Variants in HDAC4 observed in about 807,000 individuals in gnomAD.
The protein encoded by HDAC4 is histone deacetylase 4.
A neutral mutation model predicts 135.1 loss-of-function variants in HDAC4; 16 were observed. The ratio of observed to expected loss-of-function variants is 0.12; its 90% CI spans 0.08 to 0.18. The LOEUF is 0.18. HDAC4 is among the 10% of genes least tolerant of loss of function. HDAC4 has a pLI of 1.00. For synonymous variants in HDAC4, 685 were observed against 653.4 expected, an observed-to-expected ratio of 1.05 and a Z score of -0.74; for missense variants, 1,143 against 1,511.8, an observed-to-expected ratio of 0.76 and a Z score of 4.05.
rs901286116 is a variant in HDAC4, at chr2:239,331,134, G to C, written c.22+21544C>G. Among the ~76,000 whole-genome samples, 2 of 152,256 alleles carry C rather than the reference G, an allele frequency of 1.3e-5. No individual in the cohort carries two copies. Among genetic ancestry groups the C allele is most frequent in the African/African-American group, 2.4e-5 (1 of 41,466 alleles). On this transcript the variant is annotated intron_variant, in intron 2 of 26. Transcript: ENST00000543185. This position sits in a 1 kb window ranked among gnomAD's most constrained non-coding sequence, Gnocchi z 4.5. ...GTGAAGCTCTCAGCCTGCCCAGGAGGAAGCGGGGCTGATGGGCCATCGGAG... is the reference window on the plus strand; with the variant it reads ...GTGAAGCTCTCAGCCTGCCCAGGAGCAAGCGGGGCTGATGGGCCATCGGAG...
chr2:239,346,046 A>G (rs963763174), intron 2 of HDAC4, among the ~76,000 whole-genome samples: 1 of 145,036 alleles, frequency 6.9e-6, no homozygotes, highest in Non-Finnish European at 1.5e-5. Flanking sequence ...ACACCGTCTG[A>G]AACACACACA....
At chr2:239,367,200 T>C (rs976388555) in intron 1 of HDAC4, among the ~76,000 whole-genome samples, 1 of 152,052 alleles carries the variant, frequency 6.6e-6, no homozygotes, top group Non-Finnish European at 1.5e-5. Context: ...TTGTTCATAA[T>C]AGAAAAATGT....
rs547602489 is a variant in HDAC4, at chr2:239,264,374, G to A, written c.23-27710C>T. On this transcript the variant is annotated intron_variant, in intron 2 of 26. Transcript: ENST00000543185. ...GTGGCAAAAGAGCGAAAGACCGTGG[G>A]GGCAGGAAACTGGATTTTGTTTGGT... is the stretch of plus-strand genomic sequence containing the variant. Among the ~76,000 whole-genome samples, 3 of 152,372 alleles carry A rather than the reference G, an allele frequency of 2.0e-5. No homozygotes were observed. The East Asian group carries it at 5.8e-4, about 29-fold the overall frequency.
chr2:239,178,004 A>G (rs532938417), intron 4 of HDAC4, among the ~76,000 whole-genome samples: 1 of 152,310 alleles, frequency 6.6e-6, no homozygotes, highest in Admixed American at 6.5e-5. Flanking sequence ...CCCAGGCTCC[A>G]GGGCTCCCGC....
intron 3 of HDAC4, among the ~76,000 whole-genome samples, chr2:239,203,296 T>A (rs2045868220): frequency 6.6e-6 from 1 of 152,196 alleles, no homozygotes; most frequent in African/African-American, 2.4e-5. Flanking sequence ...ATCCTCCCTG[T>A]CCCTTTTTAA....
At chr2:239,063,630 C>T (rs1041372408) in intron 24 of HDAC4, among the ~76,000 whole-genome samples, 4 of 152,132 alleles carry the variant, frequency 2.6e-5, no homozygotes, top group African/African-American at 7.2e-5. Flanking sequence ...CCTGGCCATG[C>T]GTCCCTCTCT....
At chr2:239,319,226 AGGAAAC>A (rs369618040) in intron 2 of HDAC4, among the ~76,000 whole-genome samples, 21 of 152,380 alleles carry the variant, frequency 1.4e-4, no homozygotes, top group African/African-American at 5.0e-4. Flanking sequence ...ATCCACATAT[AGGAAAC>A]TTTAAGGAGC....
chr2:239,330,144 G>A (rs1039827880), intron 2 of HDAC4, among the ~76,000 whole-genome samples: 21 of 152,268 alleles, frequency 1.4e-4, no homozygotes, highest in Non-Finnish European at 2.1e-4. Flanking sequence ...GCCGATGGCC[G>A]GAGGCCGTAT....
intron 2 of HDAC4, among the ~76,000 whole-genome samples, chr2:239,341,015 G>A (rs925309368): frequency 2.0e-5 from 3 of 152,154 alleles, no homozygotes; most frequent in African/African-American, 2.4e-5. Flanking sequence ...TCAAGGACTC[G>A]GCTTTCAACA....
chr2:239,110,676 G>A (rs971624843), intron 14 of HDAC4, among the ~76,000 whole-genome samples: 1 of 152,240 alleles, frequency 6.6e-6, no homozygotes, highest in African/African-American at 2.4e-5. Flanking sequence ...GAATGAAGCC[G>A]TGCTGTATTT....
intron 25 of HDAC4, among the ~76,000 whole-genome samples, chr2:239,054,409 G>A (rs1382162739): frequency 3.9e-5 from 6 of 152,096 alleles, no homozygotes; most frequent in Non-Finnish European, 2.9e-5. Context: ...AGAGGCCGGA[G>A]TCCCCAGGGT....
intron 22 of HDAC4, among the ~76,000 whole-genome samples, chr2:239,072,698 T>C (rs1366776941): frequency 6.6e-6 from 1 of 152,264 alleles, no homozygotes; most frequent in African/African-American, 2.4e-5. Flanking sequence ...CCTAAAACTT[T>C]TTCATTCAGC....
Position 239,189,772 on chromosome 2 carries a change from G to A in HDAC4, c.339+61C>T, listed in dbSNP as rs569334378. 1.5e-4 allele frequency: 222 copies of A among 1,516,460 alleles called. 3 individuals are homozygous for A. In the South Asian group the frequency reaches 2.4e-3, roughly 16 times the overall value. 93.9% of individuals were successfully genotyped at this position (1,516,460 alleles called of 1,614,324 possible). The stretch of plus-strand genomic sequence containing the variant: ...CACACTCCGCGGAGGCAGGGCTGGA[G>A]TCACCGGGAGTTGAGGGTGCCGGAG... On this transcript the variant is annotated intron_variant, in intron 4 of 26. Coordinates refer to ENST00000543185, the MANE Select transcript of HDAC4 (RefSeq NM_001378414.1).
chr2:239,292,125 C>T (rs1233552733), intron 2 of HDAC4, among the ~76,000 whole-genome samples: 2 of 152,198 alleles, frequency 1.3e-5, no homozygotes, highest in Admixed American at 6.5e-5. Flanking sequence ...GCTTGCCCAT[C>T]GTGGCAAGGC....
chr2:239,144,412 C>T (rs2041613547), intron 8 of HDAC4, among the ~76,000 whole-genome samples, 171 bp downstream of exon 8: 1 of 152,202 alleles, frequency 6.6e-6, no homozygotes, highest in Non-Finnish European at 1.5e-5. Flanking sequence ...AGTCATCAAA[C>T]CTGGTCCCCT....
intron 18 of HDAC4, chr2:239,089,728 C>CTTTT (rs372528457): frequency 1.4e-5 from 4 of 293,640 alleles, no homozygotes; most frequent in African/African-American, 7.5e-5. Flanking sequence ...CTCTTTGGAG[C>CTTTT]TTTTTTTTTT....
At chr2:239,376,050 G>C (rs577237387) in intron 1 of HDAC4, among the ~76,000 whole-genome samples, 2 of 152,218 alleles carry the variant, frequency 1.3e-5, no homozygotes, top group African/African-American at 4.8e-5. Context: ...GCAGGTTCTG[G>C]GCAATGATGT....
chr2:239,228,406 AC>A (rs2153152627), intron 3 of HDAC4, among the ~76,000 whole-genome samples: 1 of 64,214 alleles, frequency 1.6e-5, no homozygotes, highest in East Asian at 5.4e-4. Context: ...GGGAGCTGTC[AC>A]TGTGAGAGTT....
At chr2:239,168,623 T>C (rs1224124339) in intron 5 of HDAC4, among the ~76,000 whole-genome samples, 1 of 152,228 alleles carries the variant, frequency 6.6e-6, no homozygotes, top group East Asian at 1.9e-4. Context: ...GCTTAGATGC[T>C]GGCGGTGCTT....
Sources: allele counts gnomAD v4.1 joint callset (sites outside exome capture counted in the v4.1 genomes callset), GRCh38; gene constraint gnomAD v4.1.1; non-coding constraint Gnocchi (gnomAD v3.1); transcripts MANE v1.5; gene names NCBI Gene and HGNC (gene_info 2026-07-23, HGNC 2026-07-21).